Variants in ZSWIM6 observed in about 807,000 individuals in gnomAD.
ZSWIM6 encodes zinc finger SWIM domain-containing protein 6.
A neutral mutation model predicts 113.2 loss-of-function variants in ZSWIM6; 9 were observed. The ratio of observed to expected loss-of-function variants is 0.08; its 90% CI spans 0.05 to 0.14. The LOEUF is 0.14. Among genes scored for constraint, ZSWIM6 ranks in the 10% least tolerant of loss-of-function variants. The pLI is 1.00. For synonymous variants in ZSWIM6, 611 were observed against 606.5 expected (o/e 1.01, Z -0.11); for missense variants, 1,162 against 1,552.2 (o/e 0.75, Z 4.22).
intron 2 of ZSWIM6, among the ~76,000 whole-genome samples, chr5:61,477,135 G>A (rs1054604113): frequency 1.3e-5 from 2 of 152,004 alleles, no homozygotes; most frequent in Non-Finnish European, 2.9e-5. Context: ...ACGGCTTTTC[G>A]TACACTAATC....
intron 1 of ZSWIM6, among the ~76,000 whole-genome samples, chr5:61,421,711 A>G (rs901076190): frequency 5.3e-5 from 8 of 152,196 alleles, no homozygotes; most frequent in Admixed American, 1.3e-4. Context: ...GCTTCCACTT[A>G]TAAGTGAGAA....
chr5:61,536,778 A>G (rs1457709383), intron 10 of ZSWIM6, among the ~76,000 whole-genome samples: 1 of 152,194 alleles, frequency 6.6e-6, no homozygotes, highest in African/African-American at 2.4e-5. Context: ...GTAATTTGAC[A>G]TGCTTTCCTT....
chr5:61,334,112 A>G lies in ZSWIM6; in HGVS notation c.676+1164A>G, dbSNP rs544076697. Among the ~76,000 whole-genome samples the G allele has an allele frequency of 1.1e-4, 17 of 152,358 alleles. No homozygotes were observed. The South Asian group carries it at 3.1e-3, about 28-fold the overall frequency. On this transcript the variant is annotated intron_variant, in intron 1 of 13. Transcript: ENST00000252744. ...GCTTGTAAAGTAGAATATATTTGAC[A>G]AAGGCGAGAGAAGGACTTGTGATTT...
At chr5:61,414,626 C>T (rs562607023) in intron 1 of ZSWIM6, among the ~76,000 whole-genome samples, 7 of 152,162 alleles carry the variant, frequency 4.6e-5, no homozygotes, top group Admixed American at 1.3e-4. Flanking sequence ...AGGAGATGTC[C>T]GTCTCCTCTG....
intron 1 of ZSWIM6, among the ~76,000 whole-genome samples, chr5:61,429,998 A>G (rs17422206): frequency 0.032 from 4,822 of 152,334 alleles, 129 homozygotes; most frequent in Non-Finnish European, 0.052. Flanking sequence ...ATGCCAGTGC[A>G]GTGTTGCAGA....
intron 1 of ZSWIM6, among the ~76,000 whole-genome samples, chr5:61,351,804 T>C (rs1412337105): frequency 6.6e-6 from 1 of 152,238 alleles, no homozygotes; most frequent in Non-Finnish European, 1.5e-5. Context: ...TCTGCACTTC[T>C]AATTTGTACC....
intron 1 of ZSWIM6, among the ~76,000 whole-genome samples, chr5:61,411,544 T>C (rs1746148488): frequency 6.6e-6 from 1 of 152,248 alleles, no homozygotes; most frequent in South Asian, 2.1e-4. Flanking sequence ...TTTTGAAATA[T>C]ATTGTCTTCA....
At chr5:61,334,556 G>T (rs547389566) in intron 1 of ZSWIM6, among the ~76,000 whole-genome samples, 1 of 152,300 alleles carries the variant, frequency 6.6e-6, no homozygotes, top group African/African-American at 2.4e-5. Flanking sequence ...AAAGAATTAA[G>T]ATTTGTTTTA....
intron 1 of ZSWIM6, among the ~76,000 whole-genome samples, chr5:61,366,007 G>T (rs1745142047): frequency 6.6e-6 from 1 of 152,042 alleles, no homozygotes; most frequent in African/African-American, 2.4e-5. Flanking sequence ...CCAGGCTCAA[G>T]TGATCCTCCC....
At chr5:61,495,246 A>T (rs1748284426) in intron 4 of ZSWIM6, among the ~76,000 whole-genome samples, 1 of 152,112 alleles carries the variant, frequency 6.6e-6, no homozygotes, top group Admixed American at 6.6e-5. Flanking sequence ...GGTGTAGTCT[A>T]AACCAAACGA....
rs763860364 is a variant in ZSWIM6 at position 61,543,774 on chromosome 5, G to A, written c.3105G>A (p.Arg1035=). The A allele has an allele frequency of 3.7e-5, 57 of 1,551,808 alleles. No homozygotes were observed. Among genetic ancestry groups the A allele is most frequent in the Non-Finnish European group, 5.0e-5 (57 of 1,147,028 alleles). The change falls in exon 14 of 14, where the codon CGG becomes CGA. Residue 1035 remains arginine, a synonymous_variant. Coordinates refer to ENST00000252744, the MANE Select transcript of ZSWIM6 (RefSeq NM_020928.2). This position sits in a 1 kb window ranked among gnomAD's most constrained non-coding sequence, Gnocchi z 4.3. The part of the protein sequence containing the change: ...MSYTQLFTIA[R]YMEHRGYPMR... ...ATACACAGCTCTTTACAATAGCACG[G>A]TACATGGAGCACCGCGGGTACCCCA...
intron 1 of ZSWIM6, among the ~76,000 whole-genome samples, chr5:61,404,009 ATT>A (rs61133998): frequency 0.011 from 1,513 of 143,968 alleles, 80 homozygotes; most frequent in Admixed American, 0.086. Context: ...TAAAAAAGTA[ATT>A]TTTTTTTTTT....
intron 1 of ZSWIM6, among the ~76,000 whole-genome samples, chr5:61,431,843 G>A (rs1450907001): frequency 6.6e-6 from 1 of 152,172 alleles, no homozygotes; most frequent in Non-Finnish European, 1.5e-5. Context: ...CATAGCTTGT[G>A]TTGACATGGG....
intron 1 of ZSWIM6, among the ~76,000 whole-genome samples, chr5:61,353,797 T>A (rs202030069): frequency 0.23 from 5 of 22 alleles, no homozygotes; most frequent in Admixed American, 0.5. Context: ...ATTTTCTCGA[T>A]TTTTAGTGGG....
chr5:61,432,762 G>A (rs971823230), intron 1 of ZSWIM6, among the ~76,000 whole-genome samples: 22 of 152,132 alleles, frequency 1.4e-4, no homozygotes, highest in South Asian at 2.1e-4. Context: ...TATGATATAA[G>A]GAAGTAGATA....
chr5:61,348,026 C>T (rs957770761), intron 1 of ZSWIM6, among the ~76,000 whole-genome samples: 20 of 151,936 alleles, frequency 1.3e-4, no homozygotes, highest in Non-Finnish European at 2.8e-4. Flanking sequence ...TTGAGACCAT[C>T]CTGGCTAACA....
rs923223223 is a variant in ZSWIM6 at position 61,501,575 on chromosome 5, A to G, written c.1333+7165A>G. Among the ~76,000 whole-genome samples, 14 of 152,342 alleles carry G rather than the reference A, an allele frequency of 9.2e-5. No individual in the cohort carries two copies. The East Asian group carries it at 2.5e-3, about 27-fold the overall frequency. ...TATCCATTGTCTAAACTGTTTCTGT[A>G]TAGAATTAGATAATTTGTAACAACA... On this transcript the variant is annotated intron_variant, in intron 4 of 13. Coordinates refer to ENST00000252744, the MANE Select transcript of ZSWIM6 (RefSeq NM_020928.2).
chr5:61,352,790 G>A (rs1055408185), intron 1 of ZSWIM6, among the ~76,000 whole-genome samples: 1 of 152,160 alleles, frequency 6.6e-6, no homozygotes, highest in Admixed American at 6.5e-5. Context: ...ATGTATTACA[G>A]GGAAAAACCA....
At chr5:61,416,205 G>A (rs1385740448) in intron 1 of ZSWIM6, among the ~76,000 whole-genome samples, 3 of 152,168 alleles carry the variant, frequency 2.0e-5, no homozygotes, top group Non-Finnish European at 4.4e-5. Flanking sequence ...CAGAAAGGCC[G>A]GTTTTCACAG....
Sources: allele counts gnomAD v4.1 joint callset (sites outside exome capture counted in the v4.1 genomes callset), GRCh38; gene constraint gnomAD v4.1.1; non-coding constraint Gnocchi (gnomAD v3.1); transcripts MANE v1.5; gene names NCBI Gene and HGNC (gene_info 2026-07-23, HGNC 2026-07-21).